The following MLLT10 variants were observed in gnomAD, a reference collection of about 807,000 sequenced individuals.
MLLT10 encodes MLLT10 histone lysine methyltransferase DOT1L cofactor.
A neutral mutation model predicts 129.1 loss-of-function variants in MLLT10; 30 were observed. That is an observed-to-expected ratio of 0.23 (90% CI 0.17 to 0.32). The LOEUF (loss-of-function observed/expected upper bound fraction) is 0.32, where lower values mean the gene tolerates loss of function less well. Among genes scored for constraint, MLLT10 ranks in the 10% least tolerant of loss-of-function variants. MLLT10 has a pLI of 1.00. For synonymous variants in MLLT10, 490 were observed against 446.4 expected (o/e 1.10, Z -1.23); for missense variants, 1,119 against 1,268.3 (o/e 0.88, Z 1.79).
chr10:21,702,513 G>A (rs1030757266), intron 13 of MLLT10, among the ~76,000 whole-genome samples: 5 of 152,146 alleles, frequency 3.3e-5, no homozygotes, highest in African/African-American at 4.8e-5. Flanking sequence ...ATCTAATGTT[G>A]AGAGTGGGTT....
intron 3 of MLLT10, among the ~76,000 whole-genome samples, chr10:21,571,637 C>T (rs1282403149): frequency 1.3e-5 from 2 of 152,204 alleles, no homozygotes; most frequent in African/African-American, 4.8e-5. Flanking sequence ...CCTTTATTCA[C>T]TCCATCTTGA....
chr10:21,613,621 G>GC (rs1488768731), intron 6 of MLLT10, among the ~76,000 whole-genome samples: 2 of 152,120 alleles, frequency 1.3e-5, no homozygotes, highest in African/African-American at 4.8e-5. Context: ...AAATGAATAT[G>GC]CTAGGCACTG....
Position 21,737,089 on chromosome 10 carries a change from G to A in MLLT10, c.2955+1854G>A, listed in dbSNP as rs149244939. ...GTAAGAAAGAATTGACCAACCGGGC[G>A]TGCTGGTGCATGCCTGTGGTTCCAG... On this transcript the variant is annotated intron_variant, in intron 21 of 22. Transcript: ENST00000307729. Among the ~76,000 whole-genome samples, 289 of 127,754 alleles carry A rather than the reference G, an allele frequency of 2.3e-3. 5 individuals carry two copies. The East Asian group carries it at 0.047, about 21-fold the overall frequency. The allele number at this position is 127,754 out of a possible 152,430, so 83.8% of individuals were successfully genotyped here. A position where few individuals can be genotyped will look rare whatever the true frequency, so the allele number is the denominator to read the frequency against.
intron 4 of MLLT10, among the ~76,000 whole-genome samples, chr10:21,587,408 A>C (rs1312167094): frequency 1.6e-5 from 2 of 127,622 alleles, no homozygotes; most frequent in Admixed American, 1.8e-4. Context: ...GATGGGTGAG[A>C]GTGAGACCCT....
chr10:21,600,939 C>T (rs192689862), intron 5 of MLLT10, among the ~76,000 whole-genome samples: 156 of 152,160 alleles, frequency 1.0e-3, no homozygotes, highest in Non-Finnish European at 2.1e-3. Context: ...CTCTCCTCCC[C>T]TGCCACTCCC....
chr10:21,712,492 C>T (rs980763881), intron 13 of MLLT10, among the ~76,000 whole-genome samples: 2 of 152,184 alleles, frequency 1.3e-5, no homozygotes, highest in Non-Finnish European at 2.9e-5. Context: ...TTGTTGTCCT[C>T]TAGGGCTACA....
At chr10:21,734,312 A>C (rs1414568878) in intron 20 of MLLT10, among the ~76,000 whole-genome samples, 183 bp downstream of exon 20, 1 of 152,146 alleles carries the variant, frequency 6.6e-6, no homozygotes, top group Non-Finnish European at 1.5e-5. Flanking sequence ...GATTAAAATT[A>C]AGTTACTTTT....
intron 14 of MLLT10, among the ~76,000 whole-genome samples, chr10:21,716,105 A>C (rs761244835): frequency 4.6e-5 from 7 of 152,270 alleles, no homozygotes; most frequent in Non-Finnish European, 8.8e-5. Flanking sequence ...ATGGTGTTGA[A>C]TGTGAAAAAT....
intron 3 of MLLT10, among the ~76,000 whole-genome samples, chr10:21,574,857 G>A (rs2040569523): frequency 6.6e-6 from 1 of 152,020 alleles, no homozygotes; most frequent in Admixed American, 6.6e-5. Flanking sequence ...GGTGGGTTTT[G>A]GCCCCCTTCT....
At chr10:21,596,026 T>G (rs1252217370) in intron 5 of MLLT10, among the ~76,000 whole-genome samples, 6 of 152,162 alleles carry the variant, frequency 3.9e-5, no homozygotes, top group African/African-American at 1.4e-4. Context: ...AAATATAGTT[T>G]TATTATTTAA....
At chr10:21,564,227 G>T (rs1459683880) in intron 3 of MLLT10, among the ~76,000 whole-genome samples, 1 of 152,128 alleles carries the variant, frequency 6.6e-6, no homozygotes, top group African/African-American at 2.4e-5. Flanking sequence ...GGGACTATGG[G>T]TGTATGCCAC....
chr10:21,696,737 G>A (rs998865658), intron 13 of MLLT10, among the ~76,000 whole-genome samples: 3 of 151,956 alleles, frequency 2.0e-5, no homozygotes, highest in East Asian at 3.9e-4. Context: ...TCCTCGAGCC[G>A]CTGCTTTTCT....
intron 21 of MLLT10, among the ~76,000 whole-genome samples, chr10:21,737,822 C>A (rs1281221965): frequency 1.3e-5 from 2 of 152,128 alleles, no homozygotes; most frequent in Non-Finnish European, 2.9e-5. Flanking sequence ...GCTTAATTAA[C>A]ATAGAAATTA....
intron 17 of MLLT10, 100 bp downstream of exon 17, chr10:21,731,154 G>A (rs2057936064): frequency 1.2e-5 from 13 of 1,078,578 alleles, no homozygotes; most frequent in East Asian, 2.4e-5. Flanking sequence ...GTAGTAATGG[G>A]ATTATGATAT....
chr10:21,661,887 A>G (rs949734005), intron 9 of MLLT10: 12 of 152,186 alleles, frequency 7.9e-5, no homozygotes, highest in African/African-American at 2.9e-4. Context: ...GATTATTGAT[A>G]TAATTGGGTT....
intron 5 of MLLT10, among the ~76,000 whole-genome samples, chr10:21,610,106 T>G (rs1048557490): frequency 6.6e-6 from 1 of 152,210 alleles, no homozygotes; most frequent in African/African-American, 2.4e-5. Context: ...TCTTGCTCTA[T>G]AAGAGGGTAT....
upstream of MLLT10, among the ~76,000 whole-genome samples, chr10:21,533,768 AC>A: frequency 6.6e-6 from 1 of 152,012 alleles, no homozygotes; most frequent in Non-Finnish European, 1.5e-5. Flanking sequence ...GCTTCATTAC[AC>A]CCTTCATGGA....
chr10:21,596,882 T>C (rs1185038506), intron 5 of MLLT10, among the ~76,000 whole-genome samples: 1 of 152,174 alleles, frequency 6.6e-6, no homozygotes, highest in Admixed American at 6.6e-5. Flanking sequence ...TACGTCTTCA[T>C]AGCTTTTGTT....
chr10:21,640,040 A>G (rs72794863), intron 8 of MLLT10, among the ~76,000 whole-genome samples: 3,018 of 151,798 alleles, frequency 0.02, 41 homozygotes, highest in Middle Eastern at 0.065. Flanking sequence ...ATCAGGAACC[A>G]AGGACAAAAG....
Sources: gnomAD v4.1 joint callset for allele counts (sites outside exome capture counted in the v4.1 genomes callset) on GRCh38, gnomAD v4.1.1 for gene constraint, MANE v1.5 for transcripts, NCBI Gene and HGNC (gene_info 2026-07-23, HGNC 2026-07-21) for gene names.